COL4A4: variants seen among roughly 807,000 people sequenced by gnomAD.
COL4A4 encodes the protein collagen type IV alpha 4 chain, also known as collagen alpha-4(IV) chain.
COL4A4 carries 105 observed loss-of-function variants against 192.9 expected under a neutral mutation model. That is an observed-to-expected ratio of 0.54 (90% CI 0.46 to 0.64). The LOEUF is 0.64. COL4A4 is among the 30% of genes least tolerant of loss of function. The probability of loss-of-function intolerance (pLI) is 0.00; values close to 1 mark genes in which losing one functional copy is unlikely to be tolerated. For missense variants in COL4A4, 1,967 were observed against 2,169.3 expected, an observed-to-expected ratio of 0.91 and a Z score of 1.85; for synonymous variants, 762 against 769.9, an observed-to-expected ratio of 0.99 and a Z score of 0.17.
chr2:227,089,396 A>G (rs2059775081), intron 21 of COL4A4, among the ~76,000 whole-genome samples: 1 of 151,786 alleles, frequency 6.6e-6, no homozygotes, highest in Non-Finnish European at 1.5e-5. Flanking sequence ...CACCTGACTC[A>G]GTTGCCCAAA....
At chr2:227,054,468 A>G in intron 31 of COL4A4, 126 bp downstream of exon 31, 1 of 1,047,248 alleles carries the variant, frequency 9.5e-7, no homozygotes, top group Non-Finnish European at 1.5e-6. Flanking sequence ...AACAAATACC[A>G]TAGAACTAAA....
chr2:227,087,722 A>G (rs1188230256), intron 22 of COL4A4, among the ~76,000 whole-genome samples: 1 of 152,206 alleles, frequency 6.6e-6, no homozygotes, highest in African/African-American at 2.4e-5. Flanking sequence ...CCACAGAGCA[A>G]CCAGAGTGAG....
intron 31 of COL4A4, among the ~76,000 whole-genome samples, chr2:227,054,371 C>A (rs1238294806): frequency 1.3e-5 from 2 of 152,048 alleles, no homozygotes; most frequent in Admixed American, 6.5e-5. Flanking sequence ...CTTGTTAATT[C>A]TTTTTCAATT....
At chr2:227,038,034 G>A (rs1970040676) in intron 37 of COL4A4, among the ~76,000 whole-genome samples, 1 of 152,176 alleles carries the variant, frequency 6.6e-6, no homozygotes, top group Non-Finnish European at 1.5e-5. Flanking sequence ...TCACTCTGAT[G>A]ATAGTTTCTT....
the COL4A4 span, among the ~76,000 whole-genome samples, chr2:226,991,848 T>C: frequency 1.3e-5 from 2 of 152,158 alleles, no homozygotes. Flanking sequence ...TAGCCTCCTC[T>C]CACGTATGAG....
At chr2:227,095,637 G>GT (rs1038810707) in intron 19 of COL4A4, among the ~76,000 whole-genome samples, 55 of 152,278 alleles carry the variant, frequency 3.6e-4, no homozygotes, top group Admixed American at 5.2e-4. Flanking sequence ...GCTCACACCC[G>GT]TAATCCCAAT....
chr2:227,132,070 TCTC>T (rs1178243258), intron 4 of COL4A4, among the ~76,000 whole-genome samples: 2 of 152,208 alleles, frequency 1.3e-5, no homozygotes, highest in Non-Finnish European at 2.9e-5. Flanking sequence ...ACAGAAGGCT[TCTC>T]CTTCAGACTG....
intron 25 of COL4A4, among the ~76,000 whole-genome samples, chr2:227,066,458 A>G (rs893275780): frequency 9.2e-5 from 14 of 152,120 alleles, no homozygotes; most frequent in Admixed American, 5.2e-4. Flanking sequence ...GTTAAGGGCA[A>G]CCAGAGAGAA....
At chr2:227,078,550 C>A (rs1281211476) in intron 24 of COL4A4, among the ~76,000 whole-genome samples, 1 of 152,192 alleles carries the variant, frequency 6.6e-6, no homozygotes, top group Non-Finnish European at 1.5e-5. Flanking sequence ...ACACATTTTA[C>A]AATTTATATA....
chr2:227,085,010 A>C (rs1332189810), intron 22 of COL4A4, among the ~76,000 whole-genome samples: 1 of 151,172 alleles, frequency 6.6e-6, no homozygotes, highest in African/African-American at 2.5e-5. Context: ...ACATGCCTGT[A>C]GTCTCAGCTA....
intron 21 of COL4A4, among the ~76,000 whole-genome samples, chr2:227,089,592 TATATATATATATATATAC>T (rs1251369314): frequency 7.4e-6 from 1 of 134,674 alleles, no homozygotes; most frequent in African/African-American, 2.9e-5. Context: ...ATGTTCCATA[TATATATATATATATATAC>T]ATACATATAT....
intron 22 of COL4A4, among the ~76,000 whole-genome samples, chr2:227,087,782 T>C (rs2059683094): frequency 6.6e-6 from 1 of 152,238 alleles, no homozygotes; most frequent in Non-Finnish European, 1.5e-5. Context: ...CTCCCCTGGC[T>C]GTTTCATGTA....
At chr2:227,057,406 A>T (rs1975703721) in intron 29 of COL4A4, 33 bp downstream of exon 29, 1 of 1,575,358 alleles carries the variant, frequency 6.3e-7, no homozygotes, top group Admixed American at 1.8e-5. Context: ...AAGTAGGGTA[A>T]GCCCCAGACC....
intron 1 of COL4A4, 121 bp downstream of exon 1, chr2:227,163,886 G>C (rs916093847): frequency 6.6e-6 from 1 of 152,508 alleles, no homozygotes; most frequent in Non-Finnish European, 1.5e-5. Context: ...GGTGACCCCC[G>C]GGCCACAACT....
Position 227,051,174 on chromosome 2 carries a change from G to A in COL4A4, c.2969-16C>T. On this transcript the variant is annotated splice_polypyrimidine_tract_variant and intron_variant, in intron 32 of 47. Coordinates refer to ENST00000396625, the MANE Select transcript of COL4A4 (RefSeq NM_000092.5). ...CCTTTATCACCTGATGAAGTTGGAAGTGTTACAGGTCTCTGCTGAAATTTT... is the reference window on the plus strand; with the variant it reads ...CCTTTATCACCTGATGAAGTTGGAAATGTTACAGGTCTCTGCTGAAATTTT... The A allele has an allele frequency of 6.2e-7, 1 of 1,613,922 alleles. No homozygotes were observed. The highest frequency in any genetic ancestry group is 1.1e-5 in the South Asian group (1 of 91,072).
chr2:227,053,643 G>A (rs1974657400), intron 31 of COL4A4, among the ~76,000 whole-genome samples: 1 of 147,764 alleles, frequency 6.8e-6, no homozygotes. Context: ...CACCTCCCAG[G>A]TTCACACCAT....
Position 227,110,680 on chromosome 2 carries a change from C to CTT in COL4A4, c.594+996_594+997dup, listed in dbSNP as rs34785989. ...ACAGGTGTGAGCCACCTCACCCAGTCTTTTTTTTTTTTTTTTTTTTGAGAT... is the reference window on the plus strand; with the variant it reads ...ACAGGTGTGAGCCACCTCACCCAGTCTTTTTTTTTTTTTTTTTTTTTTGAGAT... On this transcript the variant is annotated intron_variant, in intron 9 of 47. Transcript: ENST00000396625. Among the ~76,000 whole-genome samples, 722 of 94,254 alleles carry CTT rather than the reference C, an allele frequency of 7.7e-3. 22 individuals are homozygous for CTT. The highest frequency in any genetic ancestry group is 0.01 in the Non-Finnish European group (506 of 50,206). The allele number at this position is 94,254 out of a possible 152,430, so 61.8% of individuals were successfully genotyped here.
At chr2:226,994,848 G>A in the COL4A4 span, among the ~76,000 whole-genome samples, 1 of 152,146 alleles carries the variant, frequency 6.6e-6, no homozygotes, top group Admixed American at 6.5e-5. Flanking sequence ...GATTTCCACA[G>A]TCCTTCATAT....
chr2:227,139,831 A>T (rs1292317623), intron 4 of COL4A4, among the ~76,000 whole-genome samples: 1 of 152,204 alleles, frequency 6.6e-6, no homozygotes, highest in Non-Finnish European at 1.5e-5. Flanking sequence ...TACCAACTTC[A>T]GTACCTCTCA....
Sources: gnomAD v4.1 joint callset for allele counts (sites outside exome capture counted in the v4.1 genomes callset) on GRCh38, gnomAD v4.1.1 for gene constraint, MANE v1.5 for transcripts, NCBI Gene and HGNC (gene_info 2026-07-23, HGNC 2026-07-21) for gene names.